Variants in RELL1 observed in about 807,000 individuals in gnomAD.
RELL1 encodes the protein RELT-like protein 1.
Under a neutral mutation model 23.0 loss-of-function variants are expected in RELL1, and 10 were observed. The observed-to-expected ratio is 0.43, with a 90% CI of 0.27 to 0.74. The LOEUF (loss-of-function observed/expected upper bound fraction) is 0.74. Among genes scored for constraint, RELL1 ranks in the 30% least tolerant of loss-of-function variants. The pLI is 0.19. For synonymous variants in RELL1, 146 were observed against 146.8 expected (o/e 0.99, Z 0.04); for missense variants, 315 against 364.4 (o/e 0.86, Z 1.10).
At position 37,637,705 on chromosome 4, in the gene RELL1, C is replaced by T. The variant is rs180974379; in HGVS notation, c.443+742G>A. Among the ~76,000 whole-genome samples, 93 of 152,360 alleles carry T rather than the reference C, an allele frequency of 6.1e-4. 4 individuals carry two copies. The East Asian group carries it at 7.7e-3, about 13-fold the overall frequency. ...GGTCTGTGGATGTCCAGCTCCAGAG[C>T]AGCACCCAGCACACAGTAGGCATCC... On this transcript the variant is annotated intron_variant, in intron 4 of 6. Coordinates refer to ENST00000454158, the MANE Select transcript of RELL1 (RefSeq NM_001085400.2).
intron 6 of RELL1, among the ~76,000 whole-genome samples, chr4:37,622,139 T>G (rs1208727467): frequency 2.0e-5 from 3 of 152,224 alleles, no homozygotes; most frequent in African/African-American, 7.2e-5. Flanking sequence ...CTCAGTCATT[T>G]GTGAGTAAGA....
chr4:37,622,995 G>A (rs369806748), intron 6 of RELL1: 227 of 364,952 alleles, frequency 6.2e-4, no homozygotes, highest in African/African-American at 4.6e-3. Context: ...AGTAGAGATG[G>A]GGTTTCACCG....
chr4:37,607,437 C>A (rs1167349534), downstream of RELL1, among the ~76,000 whole-genome samples: 2 of 152,264 alleles, frequency 1.3e-5, no homozygotes, highest in Non-Finnish European at 1.5e-5. Context: ...ACAGGCATAC[C>A]TCATTTTATT....
At chr4:37,604,880 TACAC>T (rs1379592181) in intron 6 of RELL1, among the ~76,000 whole-genome samples, 12 of 37,792 alleles carry the variant, frequency 3.2e-4, no homozygotes, top group Non-Finnish European at 4.2e-4. Context: ...CACACACACA[TACAC>T]ACAGACACAC....
At chr4:37,664,804 T>C (rs531589650) in intron 1 of RELL1, among the ~76,000 whole-genome samples, 1 of 151,992 alleles carries the variant, frequency 6.6e-6, no homozygotes, top group African/African-American at 2.4e-5. Flanking sequence ...TATCACTGGG[T>C]CGAGGCAGAG....
chr4:37,661,267 CTGTT>C (rs112180792), intron 1 of RELL1, among the ~76,000 whole-genome samples: 20,794 of 150,510 alleles, frequency 0.14, 2,759 homozygotes, highest in African/African-American at 0.35. Context: ...TAAGTTAATT[CTGTT>C]TGTTTGTTTG....
At chr4:37,680,227 T>C (rs1722157258) in intron 1 of RELL1, among the ~76,000 whole-genome samples, 1 of 152,188 alleles carries the variant, frequency 6.6e-6, no homozygotes, top group Non-Finnish European at 1.5e-5. Flanking sequence ...AATATGAAAT[T>C]GAGTCTTTTT....
intron 4 of RELL1, among the ~76,000 whole-genome samples, chr4:37,636,135 C>A (rs1330479239): frequency 6.6e-6 from 1 of 152,050 alleles, no homozygotes; most frequent in Non-Finnish European, 1.5e-5. Context: ...GGTAACTTGC[C>A]CAAGATCACA....
chr4:37,678,485 C>T lies in RELL1; in HGVS notation c.88+7715G>A, dbSNP rs532696191. ...AGAGAACTCTGCCAAGCCCATCAGA[C>T]CCTACTCCTTCGGGCACTGCCCAAC... On this transcript the variant is annotated intron_variant, in intron 1 of 6. Coordinates refer to ENST00000454158, the MANE Select transcript of RELL1 (RefSeq NM_001085400.2). 1.1e-4 allele frequency among the ~76,000 whole-genome samples: 17 copies of T among 152,338 alleles called. No homozygotes were observed. The South Asian group carries it at 1.9e-3, about 17-fold the overall frequency.
downstream of RELL1, among the ~76,000 whole-genome samples, chr4:37,607,940 A>G (rs1266846605): frequency 1.3e-5 from 2 of 152,094 alleles, no homozygotes; most frequent in Admixed American, 6.5e-5. Flanking sequence ...TGTGTCACAT[A>G]TGGGTAATTC....
chr4:37,640,179 T>C (rs1193278951), intron 3 of RELL1, among the ~76,000 whole-genome samples: 1 of 152,248 alleles, frequency 6.6e-6, no homozygotes, highest in East Asian at 1.9e-4. Flanking sequence ...GAAATATTAA[T>C]ACAACACTTA....
chr4:37,606,142 G>A (rs1719212771), downstream of RELL1, among the ~76,000 whole-genome samples: 1 of 144,248 alleles, frequency 6.9e-6, no homozygotes, highest in Non-Finnish European at 1.5e-5. The surrounding 1 kb of genome is among the most constrained non-coding windows in gnomAD (Gnocchi z 4.1). Context: ...AAGGAAGGAA[G>A]GGAGAGAGAG....
At position 37,635,059 on chromosome 4, in the gene RELL1, TC is replaced by T; in HGVS notation, c.507del (p.Thr170ArgfsTer34). 6.2e-6 allele frequency: 10 copies of T among 1,613,880 alleles called. No homozygotes were observed. The highest frequency in any genetic ancestry group is 7.6e-6 in the Non-Finnish European group (9 of 1,179,994). ...TGGCCACAGACGTGCTTCCCTGGCG[TC>T]CCCCCTGGTGACAAAGGCCCAGGAC... is the stretch of plus-strand genomic sequence containing the variant. ...PVSPGPLSPG[G>X]TPGKHVCGHH... On this transcript the variant is annotated frameshift_variant, in exon 5 of 7. Coordinates refer to ENST00000454158, the MANE Select transcript of RELL1 (RefSeq NM_001085400.2). LOFTEE classifies it high-confidence loss of function.
chr4:37,686,186 G>A lies in RELL1; in HGVS notation c.88+14C>T, dbSNP rs1206489672. The stretch of plus-strand genomic sequence containing the variant: ...GCTCAGCACCCGGCGCCCCGGCTAC[G>A]ACCGGACACTCACCCGGAGCCACCA... On this transcript the variant is annotated intron_variant, in intron 1 of 6. Transcript: ENST00000454158. 3.8e-6 allele frequency: 6 copies of A among 1,571,132 alleles called. No homozygotes were observed. Among genetic ancestry groups the A allele is most frequent in the South Asian group, 1.1e-5 (1 of 87,888 alleles).
At chr4:37,590,726 TG>T (rs778264746), downstream of RELL1, 3 of 1,613,998 alleles carry the variant, frequency 1.9e-6, no homozygotes, top group Non-Finnish European at 2.5e-6. Flanking sequence ...CAGCCCCCAG[TG>T]GGGGAGCATG....
At position 37,659,941 on chromosome 4, in the gene RELL1, C is replaced by T. The variant is rs958981613; in HGVS notation, c.89-10441G>A. Among the ~76,000 whole-genome samples, 17 of 152,236 alleles carry T rather than the reference C, an allele frequency of 1.1e-4. 1 individual carries two copies. In the South Asian group the frequency reaches 1.5e-3, roughly 13 times the overall value. On this transcript the variant is annotated intron_variant, in intron 1 of 6. Coordinates refer to ENST00000454158, the MANE Select transcript of RELL1 (RefSeq NM_001085400.2). ...TTCCTCTCCTTACCAGGAAAGGGTG[C>T]GCATTCTCAGAAGCTAGGGTTTCCT...
At chr4:37,674,994 CT>C (rs1404711586) in intron 1 of RELL1, among the ~76,000 whole-genome samples, 23 of 152,172 alleles carry the variant, frequency 1.5e-4, no homozygotes, top group Admixed American at 1.3e-4. Context: ...TAATGTGTGT[CT>C]TTTCAGGAAA....
intron 6 of RELL1, among the ~76,000 whole-genome samples, chr4:37,618,869 TTTC>T (rs945393505): frequency 2.7e-5 from 4 of 150,378 alleles, no homozygotes; most frequent in Non-Finnish European, 1.5e-5. Flanking sequence ...GTTGGTCGTT[TTTC>T]TTTTCTTTTC....
Position 37,659,522 on chromosome 4 carries a change from T to C in RELL1, c.89-10022A>G, listed in dbSNP as rs1292564074. Reference sequence around the variant, plus strand: ...TGGCTTGAGGGTTGCTAACATTTTTTGGTCTAGATTACCAAGATGGCTAAA... The same window carrying C: ...TGGCTTGAGGGTTGCTAACATTTTTCGGTCTAGATTACCAAGATGGCTAAA... On this transcript the variant is annotated intron_variant, in intron 1 of 6. Transcript: ENST00000454158. Among the ~76,000 whole-genome samples, 5 of 152,216 alleles carry C rather than the reference T, an allele frequency of 3.3e-5. No homozygotes were observed. In the South Asian group the frequency reaches 6.2e-4, roughly 19 times the overall value.
Sources: allele counts gnomAD v4.1 joint callset (sites outside exome capture counted in the v4.1 genomes callset), GRCh38; gene constraint gnomAD v4.1.1; non-coding constraint Gnocchi (gnomAD v3.1); transcripts MANE v1.5; gene names NCBI Gene and HGNC (gene_info 2026-07-23, HGNC 2026-07-21).